STRIP2: variants seen among roughly 807,000 people sequenced by gnomAD.
The protein encoded by STRIP2 is striatin interacting protein 2.
A neutral mutation model predicts 107.1 loss-of-function variants in STRIP2; 84 were observed. The ratio of observed to expected loss-of-function variants is 0.78; its 90% CI spans 0.66 to 0.94. The LOEUF is 0.94. STRIP2 is among the 40% of genes least tolerant of loss of function. STRIP2 has a pLI of 0.00. For synonymous variants in STRIP2, 394 were observed against 400.4 expected (o/e 0.98, Z 0.19); for missense variants, 888 against 1,034.2 (o/e 0.86, Z 1.94).
chr7:129,440,205 C>G, intron 2 of STRIP2, 114 bp downstream of exon 2: 1 of 811,440 alleles, frequency 1.2e-6, no homozygotes, highest in Admixed American at 2.1e-5. Context: ...TGAACAAAGG[C>G]TGTTCTCCAC....
At chr7:129,438,411 A>G (rs142443258) in intron 1 of STRIP2, among the ~76,000 whole-genome samples, 196 of 152,358 alleles carry the variant, frequency 1.3e-3, no homozygotes, top group African/African-American at 4.6e-3. Flanking sequence ...CCTTTATAGT[A>G]TAATATTAAA....
intron 2 of STRIP2, among the ~76,000 whole-genome samples, chr7:129,443,153 C>T (rs1398546385): frequency 5.9e-5 from 9 of 151,868 alleles, no homozygotes; most frequent in Admixed American, 5.9e-4. Flanking sequence ...CGATCCTCCA[C>T]CTCAGCCTCC....
At chr7:129,438,469 G>C (rs1240881522) in intron 1 of STRIP2, among the ~76,000 whole-genome samples, 1 of 152,166 alleles carries the variant, frequency 6.6e-6, no homozygotes, top group African/African-American at 2.4e-5. Flanking sequence ...TAGGCCGTGT[G>C]CCTTTCCTAT....
rs1305109654 is a variant in STRIP2, at chr7:129,454,148, C to T, written c.537C>T (p.Ser179=). 9.9e-6 allele frequency: 16 copies of T among 1,614,044 alleles called. No homozygotes were observed. Among genetic ancestry groups the T allele is most frequent in the Non-Finnish European group, 1.4e-5 (16 of 1,179,984 alleles). Reference sequence around the variant, plus strand: ...TTTTCTCCTCCCCTGGCAGCAACAGCCAGGCCTGTAGCAGTGCCCTTCGGA... The same window carrying T: ...TTTTCTCCTCCCCTGGCAGCAACAGTCAGGCCTGTAGCAGTGCCCTTCGGA... ...LELLHMEIDN[S]QACSSALRKP... Residue 179 remains serine (S), a synonymous_variant, in exon 6 of 21, where the codon AGC becomes AGT. Coordinates refer to ENST00000249344, the MANE Select transcript of STRIP2 (RefSeq NM_020704.3).
chr7:129,442,207 A>G (rs1207988929), intron 2 of STRIP2, among the ~76,000 whole-genome samples: 1 of 152,228 alleles, frequency 6.6e-6, no homozygotes, highest in Non-Finnish European at 1.5e-5. Flanking sequence ...CCTGGGTGAC[A>G]AAGTGAGACT....
chr7:129,475,815 C>T (rs1410466738), intron 18 of STRIP2, among the ~76,000 whole-genome samples: 1 of 152,258 alleles, frequency 6.6e-6, no homozygotes, highest in Admixed American at 6.5e-5. Context: ...GCACATCTTG[C>T]ACCGCCCTTA....
intron 2 of STRIP2, among the ~76,000 whole-genome samples, chr7:129,440,565 A>C (rs750821504): frequency 6.6e-6 from 1 of 152,114 alleles, no homozygotes; most frequent in African/African-American, 2.4e-5. Flanking sequence ...AAATCTCAGC[A>C]AAGTCCGAGG....
At chr7:129,442,089 G>C (rs527547023) in intron 2 of STRIP2, among the ~76,000 whole-genome samples, 1 of 152,250 alleles carries the variant, frequency 6.6e-6, no homozygotes, top group South Asian at 2.1e-4. Context: ...GCTGGGCATC[G>C]TGGCATGCAC....
At chr7:129,472,711 T>C (rs1049492944) in intron 18 of STRIP2, among the ~76,000 whole-genome samples, 3 of 151,878 alleles carry the variant, frequency 2.0e-5, no homozygotes, top group Non-Finnish European at 4.4e-5. Context: ...TTTTTCAGGC[T>C]TAACAAATTG....
intron 18 of STRIP2, among the ~76,000 whole-genome samples, chr7:129,475,484 T>C (rs1798892722): frequency 6.8e-6 from 1 of 148,110 alleles, no homozygotes; most frequent in South Asian, 2.2e-4. Flanking sequence ...CAGAGGACCC[T>C]GGGGCCTTCC....
At chr7:129,462,726 C>G (rs1798573675) in intron 13 of STRIP2, among the ~76,000 whole-genome samples, 1 of 152,144 alleles carries the variant, frequency 6.6e-6, no homozygotes, top group Non-Finnish European at 1.5e-5. Context: ...GTTCCAGTAT[C>G]CCAGGTACTG....
At chr7:129,435,908 T>C (rs545374285) in intron 1 of STRIP2, among the ~76,000 whole-genome samples, 1 of 152,292 alleles carries the variant, frequency 6.6e-6, no homozygotes, top group East Asian at 1.9e-4. Flanking sequence ...TACATTTTGA[T>C]GTAGGTAGAG....
At chr7:129,473,518 C>T (rs904399106) in intron 18 of STRIP2, among the ~76,000 whole-genome samples, 3 of 151,972 alleles carry the variant, frequency 2.0e-5, no homozygotes, top group Non-Finnish European at 4.4e-5. Flanking sequence ...GGACCACAGA[C>T]ATGCTACCAT....
chr7:129,446,921 T>G (rs1010879291), intron 3 of STRIP2, among the ~76,000 whole-genome samples: 2 of 152,206 alleles, frequency 1.3e-5, no homozygotes, highest in Non-Finnish European at 1.5e-5. Context: ...TGATGACCCA[T>G]AGTCAAACGT....
intron 4 of STRIP2, 91 bp downstream of exon 4, chr7:129,451,838 G>A: frequency 1.3e-6 from 2 of 1,509,790 alleles, no homozygotes; most frequent in Non-Finnish European, 1.8e-6. Flanking sequence ...GCTGTGCTGG[G>A]AAAGCAAGGT....
chr7:129,463,129 G>A (rs1211481789), intron 14 of STRIP2, 89 bp downstream of exon 14: 3 of 1,108,722 alleles, frequency 2.7e-6, no homozygotes, highest in African/African-American at 1.6e-5. Context: ...TCCAACACTT[G>A]AGCTTGTTTC....
At chr7:129,470,574 C>T in intron 17 of STRIP2, 75 bp from the exon 18 acceptor site, 1 of 1,239,280 alleles carries the variant, frequency 8.1e-7, no homozygotes, top group Non-Finnish European at 1.2e-6. Flanking sequence ...GAAATAACTC[C>T]TGCCCTTTCC....
chr7:129,464,702 ACTC>A lies in STRIP2; in HGVS notation c.1744_1746del (p.Leu582del). ...AGAGTATCTCTACCCTGCTTCTGCT[ACTC>A]CTCAAACACTTCAAACTCAACCATA... On this transcript the variant is annotated inframe_deletion, in exon 16 of 21. Coordinates refer to ENST00000249344, the MANE Select transcript of STRIP2 (RefSeq NM_020704.3). 6.2e-7 allele frequency: 1 copy of A among 1,614,006 alleles called. No homozygotes were observed. The highest frequency in any genetic ancestry group is 8.5e-7 in the Non-Finnish European group (1 of 1,179,982).
In STRIP2 at chr7:129,487,658, C is replaced by T. The variant is rs184531031; in HGVS notation, c.*1829C>T. ...AATTTTACCTAAGTAGGACAGTAGT[C>T]CTTACTGCAATCAAAATAATTTACT... On this transcript the variant is annotated 3_prime_UTR_variant, in exon 21 of 21. Coordinates refer to ENST00000249344, the MANE Select transcript of STRIP2 (RefSeq NM_020704.3). The T allele has an allele frequency of 6.6e-6, 1 of 152,274 alleles. No individual in the cohort carries two copies. The highest frequency in any genetic ancestry group is 1.9e-4 in the East Asian group (1 of 5,180). 9.4% of individuals were successfully genotyped at this position (152,274 alleles called of 1,614,324 possible).
Sources: allele counts gnomAD v4.1 joint callset (sites outside exome capture counted in the v4.1 genomes callset), GRCh38; gene constraint gnomAD v4.1.1; transcripts MANE v1.5; gene names NCBI Gene and HGNC (gene_info 2026-07-23, HGNC 2026-07-21).